Variants in BCL2L1 observed in about 807,000 individuals in gnomAD.
BCL2L1 encodes the protein bcl-2-like protein 1.
Under a neutral mutation model 18.7 loss-of-function variants are expected in BCL2L1, and 1 was observed. The observed-to-expected ratio is 0.05, with a 90% CI of 0.02 to 0.25. The LOEUF (loss-of-function observed/expected upper bound fraction) is 0.25, where lower values mean the gene tolerates loss of function less well. BCL2L1 is among the 10% of genes least tolerant of loss of function. The pLI is 1.00. For missense variants in BCL2L1, 207 were observed against 304.9 expected (o/e 0.68, Z 2.39); for synonymous variants, 103 against 122.7 (o/e 0.84, Z 1.06).
intron 2 of BCL2L1, among the ~76,000 whole-genome samples, chr20:31,707,902 ACT>A (rs1466073551): frequency 6.6e-6 from 1 of 152,126 alleles, no homozygotes. Flanking sequence ...AGCAAGTGAG[ACT>A]CACCAACTCA....
At chr20:31,670,815 C>T (rs1252087172) in intron 2 of BCL2L1, among the ~76,000 whole-genome samples, 3 of 152,142 alleles carry the variant, frequency 2.0e-5, no homozygotes, top group African/African-American at 7.2e-5. Context: ...ATATTTAGCC[C>T]ATGGTTCACA....
At chr20:31,676,006 C>T (rs573243602) in intron 2 of BCL2L1, among the ~76,000 whole-genome samples, 12 of 152,154 alleles carry the variant, frequency 7.9e-5, no homozygotes, top group Non-Finnish European at 1.2e-4. Flanking sequence ...GAAAAGGAAG[C>T]GGTTGTGCCG....
At chr20:31,671,690 G>T (rs1285702884) in intron 2 of BCL2L1, among the ~76,000 whole-genome samples, 2 of 151,970 alleles carry the variant, frequency 1.3e-5, no homozygotes, top group African/African-American at 2.4e-5. Context: ...ATGGTGGTAA[G>T]ATCACCTCCA....
At chr20:31,673,887 G>A (rs139077589) in intron 2 of BCL2L1, among the ~76,000 whole-genome samples, 81 of 152,212 alleles carry the variant, frequency 5.3e-4, no homozygotes, top group Middle Eastern at 3.4e-3. Flanking sequence ...CTAGAACCTG[G>A]TGTGCTATAC....
rs567358983 is a variant in BCL2L1 at position 31,665,361 on chromosome 20, A to G, written c.*588T>C. ...CATTTGGACTGGGAGTGAGGACTCTAGCCAGTCCAGAGGTGAGGAGGGAGT... is the reference window on the plus strand; with the variant it reads ...CATTTGGACTGGGAGTGAGGACTCTGGCCAGTCCAGAGGTGAGGAGGGAGT... On this transcript the variant is annotated 3_prime_UTR_variant, in exon 3 of 3. Transcript: ENST00000307677. 6.5e-6 allele frequency: 1 copy of G among 153,370 alleles called. No individual in the cohort carries two copies. Among genetic ancestry groups the G allele is most frequent in the African/African-American group, 2.4e-5 (1 of 41,536 alleles). 9.5% of individuals were successfully genotyped at this position (153,370 alleles called of 1,614,324 possible).
chr20:31,700,884 A>G (rs1039887670), intron 2 of BCL2L1, among the ~76,000 whole-genome samples: 2 of 152,228 alleles, frequency 1.3e-5, no homozygotes, highest in African/African-American at 2.4e-5. Context: ...AGCTAGGTCC[A>G]GAGAGGACTG....
intron 2 of BCL2L1, among the ~76,000 whole-genome samples, chr20:31,688,166 G>A (rs556299584): frequency 1.1e-4 from 17 of 152,192 alleles, no homozygotes; most frequent in Non-Finnish European, 1.0e-4. Context: ...GCTGATGGCC[G>A]GCGCGGTGGC....
At chr20:31,680,048 C>T (rs1453018737) in intron 2 of BCL2L1, among the ~76,000 whole-genome samples, 1 of 152,116 alleles carries the variant, frequency 6.6e-6, no homozygotes, top group East Asian at 1.9e-4. Context: ...TTATTTGTAG[C>T]TATAAACAAA....
intron 2 of BCL2L1, among the ~76,000 whole-genome samples, chr20:31,685,609 T>C (rs1042806737): frequency 8.5e-5 from 13 of 152,218 alleles, no homozygotes; most frequent in Admixed American, 2.0e-4. Context: ...TATTTGGCTA[T>C]GGTCCTGTCA....
chr20:31,713,827 C>T lies in BCL2L1; in HGVS notation c.564+7828G>A, dbSNP rs1339830942. On this transcript the variant is annotated intron_variant, in intron 2 of 2. Coordinates refer to ENST00000307677, the MANE Select transcript of BCL2L1 (RefSeq NM_138578.3). ...AAGTTAAAAGACTTGCCCAAGGTCA[C>T]ACAGCAAGCTAGTAGTCAAGTTCCA... is the stretch of plus-strand genomic sequence containing the variant. Among the ~76,000 whole-genome samples, 9 of 152,322 alleles carry T rather than the reference C, an allele frequency of 5.9e-5. No homozygotes were observed. The East Asian group carries it at 1.7e-3, about 29-fold the overall frequency.
intron 2 of BCL2L1, among the ~76,000 whole-genome samples, chr20:31,677,916 T>G (rs2060789707): frequency 6.6e-6 from 1 of 152,174 alleles, no homozygotes; most frequent in Non-Finnish European, 1.5e-5. Context: ...GGCTGAGTGT[T>G]GGACAGAGAG....
chr20:31,708,656 C>T (rs988923824), intron 2 of BCL2L1, among the ~76,000 whole-genome samples: 19 of 152,184 alleles, frequency 1.2e-4, no homozygotes, highest in African/African-American at 4.6e-4. Flanking sequence ...CCCAATGCCC[C>T]GCCCTGCCTT....
Position 31,664,833 on chromosome 20 carries a change from G to A in BCL2L1, c.*1116C>T, listed in dbSNP as rs930050069. ...GGCCAAGGGTGGAGCAGAAGAGAGA[G>A]GGAGGCCTGAAGAGCTCCTGGCCAG... On this transcript the variant is annotated 3_prime_UTR_variant, in exon 3 of 3. Coordinates refer to ENST00000307677, the MANE Select transcript of BCL2L1 (RefSeq NM_138578.3). 9.0e-6 allele frequency: 2 copies of A among 222,960 alleles called. No individual in the cohort carries two copies. The highest frequency in any genetic ancestry group is 1.3e-4 in the East Asian group (2 of 15,592). The allele number at this position is 222,960 out of a possible 1,614,324, so 13.8% of individuals were successfully genotyped here. A position where few individuals can be genotyped will look rare whatever the true frequency, so the allele number is the denominator to read the frequency against.
intron 2 of BCL2L1, among the ~76,000 whole-genome samples, chr20:31,676,110 T>C (rs1383906733): frequency 6.6e-6 from 1 of 152,018 alleles, no homozygotes; most frequent in East Asian, 1.9e-4. Context: ...AGAACCAGGG[T>C]GATGGGCTTG....
intron 2 of BCL2L1, among the ~76,000 whole-genome samples, chr20:31,671,318 ATCACT>A (rs2060665731): frequency 7.2e-5 from 11 of 152,056 alleles, no homozygotes; most frequent in Non-Finnish European, 1.3e-4. Flanking sequence ...CCAGGCTAGT[ATCACT>A]TTCAAGGTCC....
intron 2 of BCL2L1, chr20:31,716,910 G>A (rs2122825280): frequency 6.6e-6 from 1 of 152,302 alleles, no homozygotes; most frequent in Middle Eastern, 3.4e-3. Flanking sequence ...GACCCAGTGG[G>A]ATTGCCTGAC....
At chr20:31,669,545 C>T (rs1017057040) in intron 2 of BCL2L1, among the ~76,000 whole-genome samples, 10 of 151,446 alleles carry the variant, frequency 6.6e-5, no homozygotes, top group African/African-American at 1.9e-4. Flanking sequence ...CTCCGCCTCC[C>T]GGGTTCAAGC....
At position 31,710,149 on chromosome 20, in the gene BCL2L1, A is replaced by G. The variant is rs112863368; in HGVS notation, c.564+11506T>C. Among the ~76,000 whole-genome samples the G allele has an allele frequency of 3.3e-3, 503 of 152,334 alleles. 1 individual carries two copies. The highest frequency in any genetic ancestry group is 6.4e-3 in the Admixed American group (98 of 15,302). ...AATATTTGCTAAGTGCCTCCTATGT[A>G]CCAAGCACTCTGCTAGATGCTGGGG... On this transcript the variant is annotated intron_variant, in intron 2 of 2. Transcript: ENST00000307677.
intron 2 of BCL2L1, among the ~76,000 whole-genome samples, chr20:31,670,149 TG>T: frequency 6.6e-6 from 1 of 152,286 alleles, no homozygotes; most frequent in East Asian, 1.9e-4. Context: ...GTGGAGGATC[TG>T]GGGAAAGGAG....
Sources: gnomAD v4.1 joint callset for allele counts (sites outside exome capture counted in the v4.1 genomes callset) on GRCh38, gnomAD v4.1.1 for gene constraint, MANE v1.5 for transcripts, NCBI Gene and HGNC (gene_info 2026-07-23, HGNC 2026-07-21) for gene names.